The following SLC23A2 variants were observed in gnomAD, a reference collection of about 807,000 sequenced individuals.
SLC23A2 encodes Na(+)/L-ascorbic acid transporter 2.
SLC23A2 carries 36 observed loss-of-function variants against 73.3 expected under a neutral mutation model. That is an observed-to-expected ratio of 0.49 (90% confidence interval 0.38 to 0.65). The LOEUF is 0.65. Among genes scored for constraint, SLC23A2 ranks in the 30% least tolerant of loss-of-function variants. SLC23A2 has a pLI of 0.00. For synonymous variants in SLC23A2, 343 were observed against 327.3 expected, an observed-to-expected ratio of 1.05 and a Z score of -0.52; for missense variants, 507 against 841.6, an observed-to-expected ratio of 0.60 and a Z score of 4.92.
intron 4 of SLC23A2, among the ~76,000 whole-genome samples, chr20:4,912,395 G>A (rs1318625204): frequency 1.3e-5 from 2 of 152,008 alleles, no homozygotes; most frequent in African/African-American, 4.8e-5. Flanking sequence ...TACTGCACAT[G>A]TATCTGTAAC....
intron 2 of SLC23A2, among the ~76,000 whole-genome samples, chr20:4,957,417 T>G (rs2087308213): frequency 6.6e-6 from 1 of 151,710 alleles, no homozygotes; most frequent in Non-Finnish European, 1.5e-5. Flanking sequence ...ACTATGATCA[T>G]GACACTGCAC....
At chr20:5,001,251 G>T (rs907037177) in intron 1 of SLC23A2, among the ~76,000 whole-genome samples, 155 bp downstream of exon 1, 47 of 149,112 alleles carry the variant, frequency 3.2e-4, no homozygotes, top group African/African-American at 1.1e-3. Flanking sequence ...GAGATGGGTC[G>T]GGGTGGGGGC....
At chr20:4,957,098 C>T (rs551238255) in intron 2 of SLC23A2, among the ~76,000 whole-genome samples, 38 of 152,208 alleles carry the variant, frequency 2.5e-4, no homozygotes, top group South Asian at 8.3e-4. Flanking sequence ...TGAGTTACTG[C>T]GCCCGGCCTC....
intron 13 of SLC23A2, among the ~76,000 whole-genome samples, chr20:4,866,528 G>C (rs1930207697): frequency 6.6e-6 from 1 of 152,202 alleles, no homozygotes; most frequent in South Asian, 2.1e-4. Context: ...GATGGCGCTA[G>C]AGGAAGCGCC....
chr20:4,998,871 C>T lies in SLC23A2; in HGVS notation c.-282+2535G>A, dbSNP rs2088068812. On this transcript the variant is annotated intron_variant, in intron 1 of 16. Transcript: ENST00000338244. The surrounding 1 kb of genome is among the most constrained non-coding windows in gnomAD (Gnocchi z 4.1). Reference sequence around the variant, plus strand: ...CCAGGCTGGAGTGCAGTGGCACGATCTCGACTCACTGCAAACTCCACCTCC... The same window carrying T: ...CCAGGCTGGAGTGCAGTGGCACGATTTCGACTCACTGCAAACTCCACCTCC... 6.8e-6 allele frequency among the ~76,000 whole-genome samples: 1 copy of T among 147,768 alleles called. No individual in the cohort carries two copies. The highest frequency in any genetic ancestry group is 1.5e-5 in the Non-Finnish European group (1 of 67,512).
chr20:4,929,943 G>T (rs1715372), intron 3 of SLC23A2, among the ~76,000 whole-genome samples: 2 of 151,936 alleles, frequency 1.3e-5, no homozygotes, highest in South Asian at 4.1e-4. Context: ...TCCAGATGTA[G>T]AAAGACTAAG....
At chr20:4,892,518 TC>T (rs1291680046) in intron 6 of SLC23A2, among the ~76,000 whole-genome samples, 1 of 152,194 alleles carries the variant, frequency 6.6e-6, no homozygotes, top group African/African-American at 2.4e-5. Flanking sequence ...GATTTTAAAT[TC>T]CTTTTTAGTT....
At chr20:4,911,461 G>A (rs1361347448) in intron 4 of SLC23A2, among the ~76,000 whole-genome samples, 1 of 151,982 alleles carries the variant, frequency 6.6e-6, no homozygotes, top group Non-Finnish European at 1.5e-5. Context: ...AATCACTTTA[G>A]TGATTACACT....
intron 4 of SLC23A2, among the ~76,000 whole-genome samples, chr20:4,905,505 G>A (rs1006721160): frequency 2.0e-5 from 3 of 152,150 alleles, no homozygotes; most frequent in Admixed American, 6.5e-5. Context: ...AAATAATTAC[G>A]TCACTTTACA....
upstream of SLC23A2, among the ~76,000 whole-genome samples, chr20:5,005,255 G>A (rs1395915352): frequency 1.3e-5 from 2 of 151,372 alleles, no homozygotes; most frequent in African/African-American, 4.9e-5. Flanking sequence ...TGAATATGTA[G>A]GTGTTCGATA....
intron 1 of SLC23A2, among the ~76,000 whole-genome samples, chr20:4,978,263 C>T (rs538929782): frequency 1.3e-5 from 2 of 152,284 alleles, no homozygotes; most frequent in African/African-American, 4.8e-5. Context: ...ACAAATGGTT[C>T]TATTTTTCCC....
At chr20:4,894,993 C>A (rs1246796503) in intron 6 of SLC23A2, among the ~76,000 whole-genome samples, 2 of 152,210 alleles carry the variant, frequency 1.3e-5, no homozygotes, top group Non-Finnish European at 2.9e-5. Flanking sequence ...AGGGCACAGG[C>A]CATGGTTTGT....
chr20:4,958,975 C>T (rs2087336062), intron 2 of SLC23A2, among the ~76,000 whole-genome samples: 1 of 151,804 alleles, frequency 6.6e-6, no homozygotes, highest in Admixed American at 6.6e-5. Flanking sequence ...CTTTGGGAGG[C>T]CGAGGTGGGC....
At chr20:4,881,347 G>C (rs536481240) in intron 9 of SLC23A2, among the ~76,000 whole-genome samples, 1 of 152,318 alleles carries the variant, frequency 6.6e-6, no homozygotes, top group African/African-American at 2.4e-5. Context: ...ATTTCCTTGG[G>C]GGAAGTGCAT....
At chr20:5,008,355 C>A (rs1230490926) in intron 1 of SLC23A2, among the ~76,000 whole-genome samples, 3 of 152,144 alleles carry the variant, frequency 2.0e-5, no homozygotes, top group Admixed American at 1.3e-4. Flanking sequence ...ACACCCTGAA[C>A]TCAGAATGTT....
At position 4,857,314 on chromosome 20, in the gene SLC23A2, A is replaced by ATGGT; in HGVS notation, c.1721-111_1721-110insACCA. 1.6e-6 allele frequency: 1 copy of ATGGT among 607,164 alleles called. No individual in the cohort carries two copies. The highest frequency in any genetic ancestry group is 1.9e-5 in the African/African-American group (1 of 53,212). 37.6% of individuals were successfully genotyped at this position (607,164 alleles called of 1,614,324 possible). A position where few individuals can be genotyped will look rare whatever the true frequency, so the allele number is the denominator to read the frequency against. ...CACACACACACACACACACACACACACACACACACACACACACACACATGG... is the reference window on the plus strand; with the variant it reads ...CACACACACACACACACACACACACATGGTCACACACACACACACACACACATGG... On this transcript the variant is annotated intron_variant, in intron 16 of 16. Coordinates refer to ENST00000338244, the MANE Select transcript of SLC23A2 (RefSeq NM_005116.6). The surrounding 1 kb of genome is among the most constrained non-coding windows in gnomAD (Gnocchi z 4.0).
intron 4 of SLC23A2, among the ~76,000 whole-genome samples, chr20:4,903,090 T>A (rs77395977): frequency 0.82 from 124,107 of 151,694 alleles, 50,939 homozygotes; most frequent in Non-Finnish European, 0.83. Context: ...GTGAAAAGAG[T>A]AATTCTAAAG....
At chr20:4,993,928 A>G in intron 1 of SLC23A2, among the ~76,000 whole-genome samples, 1 of 152,128 alleles carries the variant, frequency 6.6e-6, no homozygotes, top group East Asian at 1.9e-4. Flanking sequence ...TGTCTCTACA[A>G]AAAATACAAC....
intron 3 of SLC23A2, among the ~76,000 whole-genome samples, chr20:4,922,923 G>C (rs1932545072): frequency 6.6e-6 from 1 of 151,760 alleles, no homozygotes; most frequent in South Asian, 2.1e-4. Flanking sequence ...AGAGACTGTA[G>C]CAAGAACCTC....
Sources: allele counts gnomAD v4.1 joint callset (sites outside exome capture counted in the v4.1 genomes callset), GRCh38; gene constraint gnomAD v4.1.1; non-coding constraint Gnocchi (gnomAD v3.1); transcripts MANE v1.5; gene names NCBI Gene and HGNC (gene_info 2026-07-23, HGNC 2026-07-21).